ATG4C: variants seen among roughly 807,000 people sequenced by gnomAD.
The protein encoded by ATG4C is autophagy related 4C cysteine peptidase.
In ATG4C, 56 loss-of-function variants were observed where a neutral mutation model predicts 57.6. The ratio of observed to expected loss-of-function variants is 0.97; its 90% CI spans 0.78 to 1.21. The LOEUF (loss-of-function observed/expected upper bound fraction) is 1.21. Ranked by LOEUF, ATG4C falls within the 50% of genes most tolerant of loss-of-function variation. ATG4C has a pLI of 0.00. For synonymous variants in ATG4C, 157 were observed against 174.1 expected, an observed-to-expected ratio of 0.90 and a Z score of 0.78; for missense variants, 595 against 529.8, an observed-to-expected ratio of 1.12 and a Z score of -1.21.
chr1:62,832,187 T>G (rs901762433), intron 7 of ATG4C, among the ~76,000 whole-genome samples: 8 of 90,916 alleles, frequency 8.8e-5, no homozygotes, highest in Admixed American at 3.9e-4. Context: ...CTGATATGCT[T>G]TCTCTGTTTA....
chr1:62,846,546 G>A (rs549683171), intron 10 of ATG4C, among the ~76,000 whole-genome samples: 1 of 152,044 alleles, frequency 6.6e-6, no homozygotes, highest in African/African-American at 2.4e-5. Context: ...TATACATCTG[G>A]CGTACGTTTC....
At chr1:62,801,814 C>A (rs1375823517) in intron 1 of ATG4C, among the ~76,000 whole-genome samples, 2 of 151,080 alleles carry the variant, frequency 1.3e-5, no homozygotes, top group African/African-American at 4.9e-5. Context: ...AAAAATTAGC[C>A]GGATGTGGTG....
intron 1 of ATG4C, among the ~76,000 whole-genome samples, chr1:62,788,459 A>C (rs556422503): frequency 5.2e-4 from 76 of 146,706 alleles, no homozygotes; most frequent in Admixed American, 1.7e-3. Context: ...ACACACACAC[A>C]CCTTTTTTTC....
intron 1 of ATG4C, among the ~76,000 whole-genome samples, chr1:62,789,687 G>C (rs1194505023): frequency 6.6e-6 from 1 of 151,946 alleles, no homozygotes; most frequent in East Asian, 2.0e-4. Context: ...CGTGGTGGCG[G>C]GCGCCTGTAG....
chr1:62,828,645 C>G (rs891045925), intron 6 of ATG4C, among the ~76,000 whole-genome samples: 5 of 152,170 alleles, frequency 3.3e-5, no homozygotes, highest in African/African-American at 1.2e-4. Flanking sequence ...TGCAGAAACT[C>G]TTAAGTTTAA....
chr1:62,798,937 C>T (rs1664563407), intron 1 of ATG4C, among the ~76,000 whole-genome samples: 1 of 152,180 alleles, frequency 6.6e-6, no homozygotes, highest in African/African-American at 2.4e-5. Context: ...GCCACCGCCC[C>T]TGGCTATTTA....
rs1259348933 is a variant in ATG4C at position 62,819,164 on chromosome 1, A to C, written c.554A>C (p.Tyr185Ser). The C allele has an allele frequency of 1.2e-6, 2 of 1,613,406 alleles. No individual in the cohort carries two copies. The highest frequency in any genetic ancestry group is 1.7e-5 in the Admixed American group (1 of 59,928). Residue 185 changes from tyrosine (Y) to serine (S), a missense_variant, in exon 5 of 11, where the codon TAT (tyrosine) becomes TCT (serine). Tyr to Ser is a moderately radical substitution (Grantham distance 144). Transcript: ENST00000317868. ...TCTCTGAAGGAAACAATTGGGAAAT[A>C]TTCTGATGATCATGAAATGCGAAAT... ...TISLKETIGK[Y>S]SDDHEMRNEV...
At chr1:62,849,777 C>T (rs887578164) in intron 10 of ATG4C, among the ~76,000 whole-genome samples, 1 of 151,714 alleles carries the variant, frequency 6.6e-6, no homozygotes, top group African/African-American at 2.4e-5. Context: ...TCCCAAAGTG[C>T]TAGGATTACA....
chr1:62,789,540 G>T (rs921484234), intron 1 of ATG4C, among the ~76,000 whole-genome samples: 2 of 152,180 alleles, frequency 1.3e-5, no homozygotes, highest in African/African-American at 4.8e-5. Context: ...TGGGCCGGGC[G>T]TGGTGGCTCA....
chr1:62,840,113 A>AG (rs1666123081), intron 9 of ATG4C, among the ~76,000 whole-genome samples: 1 of 152,162 alleles, frequency 6.6e-6, no homozygotes, highest in Non-Finnish European at 1.5e-5. Context: ...CATTGAATGT[A>AG]GGGAAACTAT....
At chr1:62,840,641 T>C (rs1666138675) in intron 9 of ATG4C, among the ~76,000 whole-genome samples, 1 of 152,208 alleles carries the variant, frequency 6.6e-6, no homozygotes, top group Non-Finnish European at 1.5e-5. Context: ...TATTCTGCCC[T>C]TTTTCTACTT....
chr1:62,798,657 T>G (rs547389927), intron 1 of ATG4C, among the ~76,000 whole-genome samples: 13 of 152,174 alleles, frequency 8.5e-5, no homozygotes, highest in African/African-American at 2.6e-4. Context: ...TTGTTTTTTT[T>G]TTTTGGAGAC....
At chr1:62,807,470 G>T (rs1425428885) in intron 3 of ATG4C, among the ~76,000 whole-genome samples, 1 of 152,198 alleles carries the variant, frequency 6.6e-6, no homozygotes. Flanking sequence ...GCCAAGATTA[G>T]AATGGAACTT....
Position 62,864,215 on chromosome 1 carries a change from G to A in ATG4C, c.*56G>A. On this transcript the variant is annotated 3_prime_UTR_variant, in exon 11 of 11. Transcript: ENST00000317868. ...ATTCCATTGAAAGGGGAAAAATGAAGAGAAACAAGTATATCTGAAATGTTT... is the reference window on the plus strand; with the variant it reads ...ATTCCATTGAAAGGGGAAAAATGAAAAGAAACAAGTATATCTGAAATGTTT... 1 of 1,388,854 alleles carries A rather than the reference G, an allele frequency of 7.2e-7. No homozygotes were observed. Among genetic ancestry groups the A allele is most frequent in the Middle Eastern group, 1.9e-4 (1 of 5,302 alleles). 86.0% of individuals were successfully genotyped at this position (1,388,854 alleles called of 1,614,324 possible). A position where few individuals can be genotyped will look rare whatever the true frequency, so the allele number is the denominator to read the frequency against.
At chr1:62,797,032 T>C (rs981422241) in intron 1 of ATG4C, among the ~76,000 whole-genome samples, 1 of 151,686 alleles carries the variant, frequency 6.6e-6, no homozygotes, top group Non-Finnish European at 1.5e-5. Context: ...TGCTTGAAAC[T>C]GGGAGGTGGA....
At chr1:62,793,626 A>G (rs1664365950) in intron 1 of ATG4C, among the ~76,000 whole-genome samples, 1 of 149,578 alleles carries the variant, frequency 6.7e-6, no homozygotes, top group South Asian at 2.1e-4. Context: ...AAAAACCAAA[A>G]AAACAAACAA....
intron 10 of ATG4C, among the ~76,000 whole-genome samples, chr1:62,852,122 C>T (rs565819060): frequency 6.6e-6 from 1 of 152,246 alleles, no homozygotes; most frequent in Admixed American, 6.5e-5. Context: ...CTATTCAGTT[C>T]AGGTTGTAGG....
intron 7 of ATG4C, among the ~76,000 whole-genome samples, chr1:62,833,236 A>G (rs1665896877): frequency 6.6e-6 from 1 of 152,158 alleles, no homozygotes. Flanking sequence ...TATAACCTAT[A>G]CTTTATCATT....
intron 1 of ATG4C, among the ~76,000 whole-genome samples, chr1:62,786,718 G>A (rs1189712393): frequency 2.6e-5 from 4 of 152,072 alleles, no homozygotes; most frequent in Non-Finnish European, 4.4e-5. Context: ...GAGTAAATAC[G>A]GTGTTTACCC....
Sources: allele counts gnomAD v4.1 joint callset (sites outside exome capture counted in the v4.1 genomes callset), GRCh38; gene constraint gnomAD v4.1.1; transcripts MANE v1.5; gene names NCBI Gene and HGNC (gene_info 2026-07-23, HGNC 2026-07-21).